Variants in RCC1L observed in about 807,000 individuals in gnomAD.
The protein encoded by RCC1L is RCC1-like G exchanging factor-like protein.
In RCC1L, 46 loss-of-function variants were observed where a neutral mutation model predicts 58.6. The observed-to-expected ratio is 0.79, with a 90% confidence interval of 0.62 to 1.00. RCC1L has a LOEUF of 1.00. RCC1L is among the 50% of genes least tolerant of loss of function. The probability of loss-of-function intolerance (pLI) is 0.00; values close to 1 mark genes in which losing one functional copy is unlikely to be tolerated. For synonymous variants in RCC1L, 281 were observed against 262.9 expected (o/e 1.07, Z -0.67); for missense variants, 636 against 623.6 (o/e 1.02, Z -0.21).
chr7:75,042,379 C>A lies in RCC1L; in HGVS notation c.*653G>T, dbSNP rs1805591397. Reference sequence around the variant, plus strand: ...GGCGCAGAGGAACTTGGCCTCGATTCTCTTCCTGAGGGGCTTCTTAACTTT... The same window carrying A: ...GGCGCAGAGGAACTTGGCCTCGATTATCTTCCTGAGGGGCTTCTTAACTTT... On this transcript the variant is annotated 3_prime_UTR_variant, in exon 11 of 11. Coordinates refer to ENST00000610322, the MANE Select transcript of RCC1L (RefSeq NM_030798.5). The A allele has an allele frequency of 2.3e-5, 23 of 985,842 alleles. No homozygotes were observed. The highest frequency in any genetic ancestry group is 2.8e-5 in the Non-Finnish European group (23 of 830,212). 61.1% of individuals were successfully genotyped at this position (985,842 alleles called of 1,614,324 possible).
intron 10 of RCC1L, among the ~76,000 whole-genome samples, chr7:75,045,238 C>G (rs1416231827): frequency 6.6e-6 from 1 of 152,130 alleles, no homozygotes; most frequent in African/African-American, 2.4e-5. Flanking sequence ...ATTATAGAGA[C>G]ACAATCATAG....
chr7:75,036,211 G>GGCGCGCAGACCAGT, intron 10 of RCC1L, among the ~76,000 whole-genome samples: 6 of 149,946 alleles, frequency 4.0e-5, no homozygotes, highest in Non-Finnish European at 7.4e-5. Flanking sequence ...CTGCCTCCCG[G>GGCGCGCAGACCAGT]GTTCAAGCAA....
chr7:75,030,456 C>T (rs1805270762), intron 10 of RCC1L, among the ~76,000 whole-genome samples: 1 of 152,180 alleles, frequency 6.6e-6, no homozygotes, highest in Non-Finnish European at 1.5e-5. Context: ...CCTCACCCCA[C>T]TTGTCAGAAC....
intron 10 of RCC1L, among the ~76,000 whole-genome samples, chr7:75,034,043 A>T (rs1287973087): frequency 6.6e-6 from 1 of 152,180 alleles, no homozygotes; most frequent in Non-Finnish European, 1.5e-5. Context: ...ATATGCACCG[A>T]AAGGGAATGT....
chr7:75,040,939 C>T (rs1166239888), downstream of RCC1L, among the ~76,000 whole-genome samples: 3 of 152,106 alleles, frequency 2.0e-5, no homozygotes, highest in East Asian at 5.8e-4. Flanking sequence ...AGCTCTAGGC[C>T]GGGCACGGTG....
intron 1 of RCC1L, among the ~76,000 whole-genome samples, chr7:75,071,769 T>C (rs1182322077): frequency 1.3e-5 from 2 of 152,142 alleles, no homozygotes; most frequent in African/African-American, 4.8e-5. Context: ...GATAGATTAC[T>C]TTACCTCTAT....
At chr7:75,027,575 TG>T (rs1279084797) in exon 11 of RCC1L, 1 of 171,782 alleles carries the variant, frequency 5.8e-6, no homozygotes, top group Non-Finnish European at 1.3e-5. Flanking sequence ...GGGCTGCTCC[TG>T]GGGACTGGCC....
At chr7:75,028,206 C>T in intron 10 of RCC1L, 2 of 882,878 alleles carry the variant, frequency 2.3e-6, no homozygotes, top group South Asian at 1.8e-5. Context: ...CAGCAACCTC[C>T]ACTTCCTGGG....
Position 75,052,794 on chromosome 7 carries a change from T to G in RCC1L, c.1234A>C (p.Lys412Gln), listed in dbSNP as rs1554443496. The G allele has an allele frequency of 6.2e-7, 1 of 1,612,622 alleles. No homozygotes were observed. The highest frequency in any genetic ancestry group is 1.7e-5 in the Admixed American group (1 of 59,820). Residue 412 changes from lysine to glutamine, a missense_variant and splice_region_variant, in exon 10 of 11, where the codon AAA (lysine) becomes CAA (glutamine). Transcript: ENST00000610322. ...GLSHFAALTNKGELFVWGKNI... is the reference protein window; with the variant it reads ...GLSHFAALTNQGELFVWGKNI... ...TTGCCCCATACAAACAGCTCTCCTT[T>G]GTCTGCAAAGGGAGGAAAACAGGGG...
At chr7:75,054,790 A>C (rs902632703) in intron 9 of RCC1L, among the ~76,000 whole-genome samples, 9 of 151,224 alleles carry the variant, frequency 6.0e-5, no homozygotes, top group Non-Finnish European at 8.9e-5. Flanking sequence ...CTCAAAAAAA[A>C]AGAATTCATG....
At chr7:75,045,951 G>A (rs1045645068) in intron 10 of RCC1L, among the ~76,000 whole-genome samples, 30 of 152,374 alleles carry the variant, frequency 2.0e-4, no homozygotes, top group African/African-American at 6.0e-4. Context: ...GCAGCATGCA[G>A]CCAGGTGGTG....
intron 5 of RCC1L, among the ~76,000 whole-genome samples, chr7:75,062,160 T>TAA (rs587729325): frequency 0.041 from 6,252 of 150,894 alleles, 385 homozygotes; most frequent in African/African-American, 0.13. Context: ...TGCACTAAAA[T>TAA]AAAAAAAAAG....
intron 6 of RCC1L, among the ~76,000 whole-genome samples, chr7:75,060,908 CCT>C (rs1299951381): frequency 6.6e-6 from 1 of 151,924 alleles, no homozygotes; most frequent in African/African-American, 2.4e-5. Flanking sequence ...ATGGCGAAAC[CCT>C]GTTGTTACAA....
chr7:75,034,700 GT>G (rs879069622), intron 10 of RCC1L, among the ~76,000 whole-genome samples: 16,322 of 152,076 alleles, frequency 0.11, 1,004 homozygotes, highest in Middle Eastern at 0.3. Context: ...TGGTTTGTTT[GT>G]TTTTTTCTTT....
Position 75,055,927 on chromosome 7 carries a change from C to T in RCC1L, c.1205G>A (p.Gly402Glu). The change falls in exon 9 of 11, where the codon GGA (glycine) becomes GAA (glutamate). Residue 402 changes from glycine (G) to glutamate (E), a missense_variant. Coordinates refer to ENST00000610322, the MANE Select transcript of RCC1L (RefSeq NM_030798.5). ...PEIQVSRIRC[G>E]LSHFAALTNK... ...GGTCAGTGCAGCAAAGTGGCTGAGTCCACATCGGATGCGGGAAACCTGGAT... is the reference window on the plus strand; with the variant it reads ...GGTCAGTGCAGCAAAGTGGCTGAGTTCACATCGGATGCGGGAAACCTGGAT... 6.2e-7 allele frequency: 1 copy of T among 1,613,942 alleles called. No individual in the cohort carries two copies. The highest frequency in any genetic ancestry group is 8.5e-7 in the Non-Finnish European group (1 of 1,179,870).
chr7:75,041,208 C>T (rs1167677083), downstream of RCC1L, among the ~76,000 whole-genome samples: 4 of 132,118 alleles, frequency 3.0e-5, no homozygotes, highest in African/African-American at 1.2e-4. Flanking sequence ...AGCGAGACTC[C>T]ATCTCATAAC....
chr7:75,059,357 G>A (rs1806201437), intron 6 of RCC1L, among the ~76,000 whole-genome samples: 1 of 151,484 alleles, frequency 6.6e-6, no homozygotes, highest in Admixed American at 6.6e-5. Context: ...CCAGCTCCTG[G>A]GTTCAAGCAG....
intron 10 of RCC1L, among the ~76,000 whole-genome samples, chr7:75,048,266 CAAAAAAA>C (rs1166086711): frequency 1.0e-5 from 1 of 95,762 alleles, no homozygotes; most frequent in African/African-American, 4.1e-5. Flanking sequence ...GACATCGCCT[CAAAAAAA>C]AAAAAAAAAA....
intron 4 of RCC1L, 110 bp downstream of exon 4, chr7:75,064,472 C>T (rs1806388643): frequency 8.4e-7 from 1 of 1,186,694 alleles, no homozygotes; most frequent in African/African-American, 1.5e-5. Context: ...TCTCACGGCC[C>T]CCTCTCAGGC....
Sources: allele counts gnomAD v4.1 joint callset (sites outside exome capture counted in the v4.1 genomes callset), GRCh38; gene constraint gnomAD v4.1.1; transcripts MANE v1.5; gene names NCBI Gene and HGNC (gene_info 2026-07-23, HGNC 2026-07-21).